PRKN: variants seen among roughly 807,000 people sequenced by gnomAD.
PRKN encodes the protein parkin RBR E3 ubiquitin protein ligase, also known as E3 ubiquitin-protein ligase parkin.
A neutral mutation model predicts 59.5 loss-of-function variants in PRKN; 56 were observed. The observed-to-expected ratio is 0.94, with a 90% CI of 0.76 to 1.18. The LOEUF (loss-of-function observed/expected upper bound fraction) is 1.18, where lower values mean the gene tolerates loss of function less well. PRKN is among the 50% of genes most tolerant of loss of function. PRKN has a pLI of 0.00. For missense variants in PRKN, 657 were observed against 596.4 expected (o/e 1.10, Z -1.06); for synonymous variants, 250 against 222.1 (o/e 1.13, Z -1.12).
intron 2 of PRKN, among the ~76,000 whole-genome samples, chr6:162,393,968 A>C (rs1358611605): frequency 2.6e-5 from 4 of 152,210 alleles, no homozygotes; most frequent in Non-Finnish European, 5.9e-5. Context: ...AAGAAATACA[A>C]AGCAAAGTTT....
chr6:162,417,652 G>C (rs9295187), intron 2 of PRKN, among the ~76,000 whole-genome samples: 83,657 of 152,068 alleles, frequency 0.55, 23,963 homozygotes, highest in African/African-American at 0.71. Flanking sequence ...CTCTCAAATG[G>C]AACATAGCAG....
rs1354287416 is a variant in PRKN at position 161,349,112 on chromosome 6, C to T, written c.*987G>A. On this transcript the variant is annotated 3_prime_UTR_variant, in exon 12 of 12. Coordinates refer to ENST00000366898, the MANE Select transcript of PRKN (RefSeq NM_004562.3). This position sits in a 1 kb window ranked among gnomAD's most constrained non-coding sequence, Gnocchi z 5.5. The stretch of plus-strand genomic sequence containing the variant: ...CTTCATTTTGGTAGTTCTGGAAAGG[C>T]TCCTCTTTAAAGATTCTGATTTAAT... 4.5e-6 allele frequency: 1 copy of T among 222,388 alleles called. No individual in the cohort carries two copies. Among genetic ancestry groups the T allele is most frequent in the Non-Finnish European group, 9.0e-6 (1 of 111,374 alleles). 13.8% of individuals were successfully genotyped at this position (222,388 alleles called of 1,614,324 possible).
At chr6:161,613,029 C>T (rs1003874594) in intron 7 of PRKN, among the ~76,000 whole-genome samples, 29 of 152,078 alleles carry the variant, frequency 1.9e-4, no homozygotes, top group Admixed American at 4.6e-4. Context: ...AAATATATTT[C>T]ATAAGGAAAT....
intron 7 of PRKN, among the ~76,000 whole-genome samples, chr6:161,638,835 G>A (rs1471784297): frequency 3.6e-5 from 5 of 139,886 alleles, no homozygotes; most frequent in South Asian, 4.5e-4. Context: ...TCCACCTCCC[G>A]GGCTCATGCA....
intron 1 of PRKN, among the ~76,000 whole-genome samples, chr6:162,706,435 T>C (rs115711439): frequency 0.011 from 1,637 of 152,324 alleles, 33 homozygotes; most frequent in African/African-American, 0.038. Context: ...ACTTTTTAGC[T>C]TCATCTGCTA....
At chr6:162,358,834 T>C (rs1214273881) in intron 2 of PRKN, among the ~76,000 whole-genome samples, 2 of 151,590 alleles carry the variant, frequency 1.3e-5, no homozygotes, top group African/African-American at 4.9e-5. Context: ...CCAAGGCGGG[T>C]GGATCACTTG....
intron 4 of PRKN, among the ~76,000 whole-genome samples, chr6:162,119,554 TG>T (rs1260608221): frequency 2.0e-5 from 3 of 152,130 alleles, no homozygotes; most frequent in Admixed American, 2.0e-4. Context: ...CCTGTCTGCT[TG>T]CGGTTTGTGT....
At chr6:162,695,418 C>G (rs949388965) in intron 1 of PRKN, among the ~76,000 whole-genome samples, 1 of 151,992 alleles carries the variant, frequency 6.6e-6, no homozygotes, top group Non-Finnish European at 1.5e-5. Context: ...TCCTATTATT[C>G]CTACTAAAAT....
chr6:161,762,300 T>C (rs899060863), intron 7 of PRKN, among the ~76,000 whole-genome samples: 31 of 152,158 alleles, frequency 2.0e-4, no homozygotes, highest in Non-Finnish European at 4.6e-4. Context: ...AATTTTGAGG[T>C]TCTTGTAGAT....
rs1784700976 is a variant in PRKN, at chr6:161,355,178, C to G, written c.1285+4910G>C. Among the ~76,000 whole-genome samples, 1 of 152,230 alleles carries G rather than the reference C, an allele frequency of 6.6e-6. No homozygotes were observed. Among genetic ancestry groups the G allele is most frequent in the Non-Finnish European group, 1.5e-5 (1 of 68,048 alleles). On this transcript the variant is annotated intron_variant, in intron 11 of 11. Coordinates refer to ENST00000366898, the MANE Select transcript of PRKN (RefSeq NM_004562.3). This position sits in a 1 kb window ranked among gnomAD's most constrained non-coding sequence, Gnocchi z 6.8. Reference sequence around the variant, plus strand: ...ACACCGGCGCGCGCACACCCGGTGTCTTTGCTCATGCAGTCCTGGGGCCTA... The same window carrying G: ...ACACCGGCGCGCGCACACCCGGTGTGTTTGCTCATGCAGTCCTGGGGCCTA...
intron 7 of PRKN, among the ~76,000 whole-genome samples, chr6:161,727,538 T>C (rs1787493201): frequency 6.6e-6 from 1 of 152,194 alleles, no homozygotes; most frequent in Non-Finnish European, 1.5e-5. Context: ...ATCCAATTGA[T>C]TGTAGAGAAA....
At chr6:162,261,986 T>C (rs1779908385) in intron 3 of PRKN, among the ~76,000 whole-genome samples, 1 of 152,186 alleles carries the variant, frequency 6.6e-6, no homozygotes, top group African/African-American at 2.4e-5. Flanking sequence ...TGTAAAGTCA[T>C]TGTGATTATT....
chr6:161,397,456 C>T lies in PRKN; in HGVS notation c.1084-10579G>A, dbSNP rs1388325824. Among the ~76,000 whole-genome samples, 1 of 152,190 alleles carries T rather than the reference C, an allele frequency of 6.6e-6. No homozygotes were observed. The highest frequency in any genetic ancestry group is 1.5e-5 in the Non-Finnish European group (1 of 68,030). On this transcript the variant is annotated intron_variant, in intron 9 of 11. Coordinates refer to ENST00000366898, the MANE Select transcript of PRKN (RefSeq NM_004562.3). This position sits in a 1 kb window ranked among gnomAD's most constrained non-coding sequence, Gnocchi z 4.2. The stretch of plus-strand genomic sequence containing the variant: ...ATAGCATTTGTTTTTCTGCCCTTCA[C>T]ATTTGCCCCTTCAGGGAGCATTCTA...
At chr6:162,216,725 C>T (rs1008302141) in intron 3 of PRKN, among the ~76,000 whole-genome samples, 2 of 152,124 alleles carry the variant, frequency 1.3e-5, no homozygotes, top group East Asian at 1.9e-4. Flanking sequence ...ACAGCCAGGA[C>T]ACTTTGATGA....
chr6:162,363,521 A>G (rs1785262568), intron 2 of PRKN, among the ~76,000 whole-genome samples: 1 of 152,180 alleles, frequency 6.6e-6, no homozygotes, highest in Admixed American at 6.5e-5. Flanking sequence ...TCCAAACTTG[A>G]CAGCACAAGA....
chr6:161,634,304 GC>G (rs1783434146), intron 7 of PRKN, among the ~76,000 whole-genome samples: 2 of 152,208 alleles, frequency 1.3e-5, no homozygotes, highest in South Asian at 4.1e-4. Context: ...AAGGCCTGTA[GC>G]AGGGCAGCGG....
At chr6:162,326,376 T>G (rs1191233540) in intron 2 of PRKN, among the ~76,000 whole-genome samples, 1 of 152,134 alleles carries the variant, frequency 6.6e-6, no homozygotes, top group Non-Finnish European at 1.5e-5. Context: ...AAGCAGTATG[T>G]TTGCACTTTT....
chr6:161,465,004 C>T (rs561190479), intron 9 of PRKN, among the ~76,000 whole-genome samples: 3 of 152,188 alleles, frequency 2.0e-5, no homozygotes, highest in African/African-American at 4.8e-5. Context: ...TTGTGGTCAA[C>T]AAAAGCGATA....
At chr6:161,721,755 T>C (rs991372198) in intron 7 of PRKN, among the ~76,000 whole-genome samples, 1 of 151,882 alleles carries the variant, frequency 6.6e-6, no homozygotes, top group Non-Finnish European at 1.5e-5. Context: ...CCTCCCTGGG[T>C]CATGGTGTCA....
Sources: gnomAD v4.1 joint callset for allele counts (sites outside exome capture counted in the v4.1 genomes callset) on GRCh38, gnomAD v4.1.1 for gene constraint, Gnocchi (gnomAD v3.1) non-coding constraint, MANE v1.5 for transcripts, NCBI Gene and HGNC (gene_info 2026-07-23, HGNC 2026-07-21) for gene names.